The following MBD5 variants were observed in gnomAD, a reference collection of about 807,000 sequenced individuals.
The protein encoded by MBD5 is methyl-CpG-binding domain protein 5.
Under a neutral mutation model 117.3 loss-of-function variants are expected in MBD5, and 13 were observed. The observed-to-expected ratio is 0.11, with a 90% CI of 0.07 to 0.18. The LOEUF is 0.18. MBD5 is among the 10% of genes least tolerant of loss of function. The probability of loss-of-function intolerance (pLI) is 1.00; values close to 1 mark genes in which losing one functional copy is unlikely to be tolerated. For missense variants in MBD5, 1,879 were observed against 2,093.8 expected (o/e 0.90, Z 2.00); for synonymous variants, 727 against 766.4 (o/e 0.95, Z 0.85).
At chr2:148,475,153 TATTTTCACTCAA>T (rs1354717675) in intron 8 of MBD5, among the ~76,000 whole-genome samples, 8 of 152,264 alleles carry the variant, frequency 5.3e-5, no homozygotes, top group Admixed American at 2.6e-4. Context: ...CTAGTGAAAG[TATTTTCACTCAA>T]ATTTTTAAAT....
chr2:148,212,585 A>G (rs1196213291), intron 2 of MBD5, among the ~76,000 whole-genome samples: 1 of 152,180 alleles, frequency 6.6e-6, no homozygotes, highest in Non-Finnish European at 1.5e-5. Context: ...AGACATTAAA[A>G]AGGTGTGTGT....
At chr2:148,290,361 C>T (rs1339121025) in intron 3 of MBD5, among the ~76,000 whole-genome samples, 1 of 151,746 alleles carries the variant, frequency 6.6e-6, no homozygotes, top group Non-Finnish European at 1.5e-5. Flanking sequence ...AGATATATTT[C>T]TTAAGAATGA....
intron 2 of MBD5, among the ~76,000 whole-genome samples, chr2:148,228,842 G>C (rs1699907127): frequency 6.6e-6 from 1 of 152,206 alleles, no homozygotes; most frequent in Non-Finnish European, 1.5e-5. Flanking sequence ...TCTTGGGAGA[G>C]TGTATGTGTC....
At chr2:148,400,089 C>T (rs1704870370) in intron 4 of MBD5, among the ~76,000 whole-genome samples, 1 of 152,118 alleles carries the variant, frequency 6.6e-6, no homozygotes. Context: ...CGTCGATGTT[C>T]ATCAGGGATA....
chr2:148,369,458 G>A (rs946894150), intron 4 of MBD5, among the ~76,000 whole-genome samples: 1 of 151,844 alleles, frequency 6.6e-6, no homozygotes, highest in Admixed American at 6.6e-5. Flanking sequence ...AAGTATTTAG[G>A]GGTAAATTGG....
At chr2:148,055,624 G>C (rs922499291) in intron 1 of MBD5, 1 of 152,078 alleles carries the variant, frequency 6.6e-6, no homozygotes, top group Non-Finnish European at 1.5e-5. Context: ...AGTAGAGATG[G>C]GGTTTCACTG....
At chr2:148,258,250 G>A (rs1700638087) in intron 3 of MBD5, among the ~76,000 whole-genome samples, 1 of 152,158 alleles carries the variant, frequency 6.6e-6, no homozygotes, top group Non-Finnish European at 1.5e-5. Context: ...TCCACCCCCA[G>A]AATGTATTCA....
At chr2:148,093,644 G>C (rs531161816) in intron 1 of MBD5, among the ~76,000 whole-genome samples, 3 of 151,882 alleles carry the variant, frequency 2.0e-5, no homozygotes, top group African/African-American at 2.4e-5. Context: ...TAGTATATAG[G>C]TTTTTATATA....
chr2:148,123,439 G>A (rs1021753946), intron 1 of MBD5, among the ~76,000 whole-genome samples: 8 of 152,140 alleles, frequency 5.3e-5, no homozygotes, highest in Admixed American at 2.6e-4. Context: ...GGTGACTGTT[G>A]ACTGACTTGA....
At chr2:148,512,790 G>C (rs1574509465) in intron 13 of MBD5, 80 bp from the exon 14 acceptor site, 6 of 1,287,376 alleles carry the variant, frequency 4.7e-6, no homozygotes, top group Non-Finnish European at 3.4e-6. Context: ...TCCCTACCCT[G>C]CTCCTTTGTC....
At chr2:148,310,358 C>T (rs1024822756) in intron 3 of MBD5, among the ~76,000 whole-genome samples, 1 of 152,102 alleles carries the variant, frequency 6.6e-6, no homozygotes, top group African/African-American at 2.4e-5. Flanking sequence ...CGACTTCTTC[C>T]TAATTTAGTC....
chr2:148,255,326 T>A (rs1220401583), intron 3 of MBD5, among the ~76,000 whole-genome samples: 3 of 152,168 alleles, frequency 2.0e-5, no homozygotes, highest in Non-Finnish European at 4.4e-5. Context: ...AGAGGGGAGC[T>A]CATAATAGGC....
intron 4 of MBD5, among the ~76,000 whole-genome samples, chr2:148,383,942 G>A (rs1466012501): frequency 2.0e-5 from 3 of 152,094 alleles, no homozygotes; most frequent in South Asian, 4.1e-4. Flanking sequence ...AATACATTAG[G>A]TATGGATGGG....
chr2:148,116,104 A>G (rs929941848), intron 1 of MBD5, among the ~76,000 whole-genome samples: 2 of 151,964 alleles, frequency 1.3e-5, no homozygotes, highest in African/African-American at 4.8e-5. Flanking sequence ...TCAACCTCCC[A>G]AATTGCTGAG....
chr2:148,334,047 C>T (rs1404032194), intron 3 of MBD5, among the ~76,000 whole-genome samples: 1 of 151,880 alleles, frequency 6.6e-6, no homozygotes. Context: ...TTACTTTTGC[C>T]ACCTATTCTT....
intron 1 of MBD5, among the ~76,000 whole-genome samples, chr2:148,106,298 A>G (rs945045794): frequency 2.0e-5 from 3 of 151,914 alleles, no homozygotes; most frequent in African/African-American, 7.2e-5. Flanking sequence ...GTTATTATTT[A>G]CATACAAGTA....
At chr2:148,447,150 A>G (rs377203237) in intron 4 of MBD5, among the ~76,000 whole-genome samples, 1 of 149,706 alleles carries the variant, frequency 6.7e-6, no homozygotes, top group Non-Finnish European at 1.5e-5. Flanking sequence ...AGAGAAAGAA[A>G]GAAGGAAAGA....
At chr2:148,334,952 G>C (rs1415723485) in intron 3 of MBD5, among the ~76,000 whole-genome samples, 1 of 152,106 alleles carries the variant, frequency 6.6e-6, no homozygotes, top group Non-Finnish European at 1.5e-5. Flanking sequence ...ATATTTAAAT[G>C]CTTGCTTCAC....
intron 4 of MBD5, among the ~76,000 whole-genome samples, chr2:148,443,748 A>AGGGTAG (rs976766224): frequency 6.0e-5 from 9 of 151,188 alleles, no homozygotes; most frequent in Non-Finnish European, 1.2e-4. Context: ...GAGGCTGGGA[A>AGGGTAG]GGGTAGTGGG....
Sources: allele counts gnomAD v4.1 joint callset (sites outside exome capture counted in the v4.1 genomes callset), GRCh38; gene constraint gnomAD v4.1.1; transcripts MANE v1.5; gene names NCBI Gene and HGNC (gene_info 2026-07-23, HGNC 2026-07-21).